SGCD: variants seen among roughly 807,000 people sequenced by gnomAD.
SGCD encodes the protein sarcoglycan delta, also known as delta-sarcoglycan.
A neutral mutation model predicts 36.6 loss-of-function variants in SGCD; 18 were observed. The ratio of observed to expected loss-of-function variants is 0.49; its 90% CI spans 0.34 to 0.73. The LOEUF (loss-of-function observed/expected upper bound fraction) is 0.73, where lower values mean the gene tolerates loss of function less well. Ranked by LOEUF, SGCD falls within the 30% of genes least tolerant of loss-of-function variation. SGCD has a pLI of 0.01. For synonymous variants in SGCD, 133 were observed against 130.6 expected (o/e 1.02, Z -0.12); for missense variants, 387 against 346.7 (o/e 1.12, Z -0.92).
intron 3 of SGCD, among the ~76,000 whole-genome samples, chr5:156,287,814 G>T (rs1368456606): frequency 1.3e-5 from 2 of 152,034 alleles, no homozygotes; most frequent in African/African-American, 4.8e-5. Flanking sequence ...TGGGAGGATT[G>T]CTTGACCCCA....
At chr5:156,007,148 A>G (rs1758774637) in intron 1 of SGCD, among the ~76,000 whole-genome samples, 1 of 152,156 alleles carries the variant, frequency 6.6e-6, no homozygotes, top group Admixed American at 6.5e-5. Flanking sequence ...ATCCTTCGGT[A>G]AAGGGTTGAC....
the SGCD span, among the ~76,000 whole-genome samples, chr5:155,811,028 G>A: frequency 9.3e-5 from 14 of 149,742 alleles, no homozygotes; most frequent in Admixed American, 2.0e-4. Flanking sequence ...CGTTTTAGCC[G>A]GGATGGTCTC....
At chr5:156,330,190 C>A (rs1230603664) in intron 2 of SGCD, among the ~76,000 whole-genome samples, 1 of 152,018 alleles carries the variant, frequency 6.6e-6, no homozygotes, top group African/African-American at 2.4e-5. Context: ...TTTCTGATTT[C>A]GGATTTTCAG....
intron 3 of SGCD, among the ~76,000 whole-genome samples, chr5:156,177,891 C>T (rs1763510456): frequency 6.6e-6 from 1 of 152,094 alleles, no homozygotes; most frequent in Admixed American, 6.6e-5. Context: ...TTTTAAATCA[C>T]TTGGCAGCAT....
At chr5:156,380,672 AAT>A (rs1770928663) in intron 3 of SGCD, among the ~76,000 whole-genome samples, 1 of 152,218 alleles carries the variant, frequency 6.6e-6, no homozygotes, top group Non-Finnish European at 1.5e-5. Flanking sequence ...TGTGATATTA[AAT>A]ATGTCTGTAA....
intron 2 of SGCD, among the ~76,000 whole-genome samples, chr5:156,118,850 G>T (rs1038524801): frequency 1.3e-5 from 2 of 152,136 alleles, no homozygotes; most frequent in African/African-American, 2.4e-5. Context: ...TCAGCGGTTT[G>T]TTTGTTGTCT....
intron 6 of SGCD, among the ~76,000 whole-genome samples, chr5:156,603,754 GA>G (rs895738828): frequency 5.9e-5 from 9 of 151,786 alleles, no homozygotes; most frequent in African/African-American, 2.2e-4. Context: ...ACCATTGTCA[GA>G]AAAAAAATGC....
intron 1 of SGCD, among the ~76,000 whole-genome samples, chr5:155,931,091 A>G (rs973519751): frequency 6.6e-6 from 1 of 152,160 alleles, no homozygotes; most frequent in Non-Finnish European, 1.5e-5. Context: ...TTGATGGGAT[A>G]TGTTCCTAAA....
chr5:155,840,384 C>T, the SGCD span, among the ~76,000 whole-genome samples: 1 of 150,080 alleles, frequency 6.7e-6, no homozygotes, highest in Non-Finnish European at 1.5e-5. Flanking sequence ...GCTGGGACTA[C>T]AGGTGCCTGC....
intron 4 of SGCD, among the ~76,000 whole-genome samples, chr5:156,573,659 T>C (rs189062735): frequency 1.3e-5 from 2 of 152,242 alleles, no homozygotes; most frequent in African/African-American, 4.8e-5. Flanking sequence ...GTCAGCTAGA[T>C]ACACATTCTA....
At chr5:156,049,818 G>T (rs906002785) in intron 1 of SGCD, among the ~76,000 whole-genome samples, 1 of 146,118 alleles carries the variant, frequency 6.8e-6, no homozygotes, top group East Asian at 1.9e-4. Context: ...GACTTTGAGG[G>T]GTTCAAGGCT....
intron 1 of SGCD, among the ~76,000 whole-genome samples, chr5:156,041,061 T>A (rs1018436157): frequency 6.6e-6 from 1 of 152,196 alleles, no homozygotes; most frequent in Admixed American, 6.5e-5. Flanking sequence ...TGAAATAGTG[T>A]TTTTTTCCAG....
At chr5:155,840,727 A>G in the SGCD span, among the ~76,000 whole-genome samples, 1 of 151,014 alleles carries the variant, frequency 6.6e-6, no homozygotes, top group African/African-American at 2.4e-5. Flanking sequence ...AAATCAAGAC[A>G]CAGGCCGGGA....
At chr5:156,448,219 C>A (rs10078675) in intron 3 of SGCD, among the ~76,000 whole-genome samples, 15,826 of 152,158 alleles carry the variant, frequency 0.1, 2,557 homozygotes, top group African/African-American at 0.35. Context: ...AAAAGTTTGT[C>A]CTAATCTCTT....
At chr5:156,343,338 C>G (rs1370645165) in intron 2 of SGCD, among the ~76,000 whole-genome samples, 1 of 152,160 alleles carries the variant, frequency 6.6e-6, no homozygotes, top group Non-Finnish European at 1.5e-5. Flanking sequence ...GTACCATTAT[C>G]TGAATGGAGA....
intron 4 of SGCD, among the ~76,000 whole-genome samples, chr5:156,523,426 C>G (rs565345044): frequency 6.6e-6 from 1 of 152,194 alleles, no homozygotes; most frequent in African/African-American, 2.4e-5. Flanking sequence ...GATCTAATCA[C>G]TGGGATGATA....
At chr5:156,696,920 ACACACACACAC>A (rs1472920618) in intron 7 of SGCD, among the ~76,000 whole-genome samples, 1 of 1,550 alleles carries the variant, frequency 6.5e-4, no homozygotes, top group Admixed American at 0.01. Context: ...CACACAACAC[ACACACACACAC>A]ACACACACAC....
chr5:155,786,460 C>G, the SGCD span, among the ~76,000 whole-genome samples: 1 of 152,012 alleles, frequency 6.6e-6, no homozygotes, highest in African/African-American at 2.4e-5. Flanking sequence ...ATTCCTGAAA[C>G]AGTCATGGTG....
intron 4 of SGCD, among the ~76,000 whole-genome samples, chr5:156,546,083 C>T (rs1187483172): frequency 6.6e-6 from 1 of 152,080 alleles, no homozygotes; most frequent in Non-Finnish European, 1.5e-5. Context: ...TCTATCTCCC[C>T]CTTGGATGTT....
Sources: gnomAD v4.1 joint callset for allele counts (sites outside exome capture counted in the v4.1 genomes callset) on GRCh38, gnomAD v4.1.1 for gene constraint, MANE v1.5 for transcripts, NCBI Gene and HGNC (gene_info 2026-07-23, HGNC 2026-07-21) for gene names.